Variants in MAGI2 observed in about 807,000 individuals in gnomAD.
MAGI2 encodes membrane-associated guanylate kinase, WW and PDZ domain-containing protein 2.
In MAGI2, 35 loss-of-function variants were observed where a neutral mutation model predicts 133.3. That is an observed-to-expected ratio of 0.26 (90% CI 0.20 to 0.35). The LOEUF is 0.35. Among genes scored for constraint, MAGI2 ranks in the 10% least tolerant of loss-of-function variants. The pLI is 1.00. For synonymous variants in MAGI2, 729 were observed against 710.6 expected, an observed-to-expected ratio of 1.03 and a Z score of -0.41; for missense variants, 1,636 against 1,863.4, an observed-to-expected ratio of 0.88 and a Z score of 2.25.
Position 78,521,608 on chromosome 7 carries a change from T to C in MAGI2, c.576A>G (p.Pro192=). 6.2e-7 allele frequency: 1 copy of C among 1,614,160 alleles called. No homozygotes were observed. Among genetic ancestry groups the C allele is most frequent in the Admixed American group, 1.7e-5 (1 of 60,018 alleles). The change falls in exon 4 of 22, where the codon CCA becomes CCG. Residue 192 remains proline (P), a synonymous_variant. Coordinates refer to ENST00000354212, the MANE Select transcript of MAGI2 (RefSeq NM_012301.4). Reference sequence around the variant, plus strand: ...CTGTTACATTTAACAATAATGGTGCTGGTTCTGCTGGCGGCTTTGGGGTAC... The same window carrying C: ...CTGTTACATTTAACAATAATGGTGCCGGTTCTGCTGGCGGCTTTGGGGTAC... ...YYGTPKPPAE[P]APLLLNVTDQ...
intron 15 of MAGI2, 46 bp downstream of exon 15, chr7:78,167,870 C>T: frequency 6.4e-7 from 1 of 1,565,500 alleles, no homozygotes; most frequent in Non-Finnish European, 8.7e-7. Flanking sequence ...ACAAAAGCAT[C>T]TTACCACCTA....
chr7:79,280,080 G>A (rs1835516738), intron 1 of MAGI2, among the ~76,000 whole-genome samples: 1 of 151,996 alleles, frequency 6.6e-6, no homozygotes, highest in Admixed American at 6.6e-5. Context: ...AGCAATTTCT[G>A]TAGATTTAGT....
intron 21 of MAGI2, among the ~76,000 whole-genome samples, chr7:78,063,647 C>T (rs1019075556): frequency 6.6e-6 from 1 of 152,106 alleles, no homozygotes; most frequent in Admixed American, 6.6e-5. Flanking sequence ...TTTCCTTGAA[C>T]CATTTCGTCT....
chr7:78,475,952 G>T (rs1425765598), intron 6 of MAGI2, among the ~76,000 whole-genome samples: 2 of 151,762 alleles, frequency 1.3e-5, no homozygotes, highest in African/African-American at 4.8e-5. Context: ...TTTCATTCTT[G>T]TTCGGTGGAT....
intron 1 of MAGI2, among the ~76,000 whole-genome samples, chr7:79,345,542 CA>C (rs1256949911): frequency 1.3e-5 from 2 of 151,924 alleles, no homozygotes; most frequent in African/African-American, 4.8e-5. Flanking sequence ...AGGAAGACAC[CA>C]AGTCTTAAGG....
intron 2 of MAGI2, among the ~76,000 whole-genome samples, chr7:78,997,164 T>C (rs1330630287): frequency 1.3e-5 from 2 of 152,144 alleles, no homozygotes; most frequent in African/African-American, 4.8e-5. Flanking sequence ...TTGTCTTTAT[T>C]AGAATGGAGA....
intron 1 of MAGI2, among the ~76,000 whole-genome samples, chr7:79,227,449 T>C (rs1830957081): frequency 6.6e-6 from 1 of 152,216 alleles, no homozygotes; most frequent in Non-Finnish European, 1.5e-5. Context: ...CATCACACAC[T>C]AAGCAAAGCT....
intron 7 of MAGI2, among the ~76,000 whole-genome samples, chr7:78,357,027 T>A (rs1458947770): frequency 6.6e-6 from 1 of 152,240 alleles, no homozygotes; most frequent in East Asian, 1.9e-4. Context: ...TTCATAGGAC[T>A]GTTTTGAGGA....
At chr7:79,023,849 T>A (rs1809586216) in intron 1 of MAGI2, among the ~76,000 whole-genome samples, 1 of 152,082 alleles carries the variant, frequency 6.6e-6, no homozygotes. Flanking sequence ...CACAAACAAA[T>A]GGAAAAATAT....
intron 2 of MAGI2, among the ~76,000 whole-genome samples, chr7:78,722,297 G>A (rs954824306): frequency 2.0e-5 from 3 of 151,794 alleles, no homozygotes; most frequent in Non-Finnish European, 2.9e-5. Flanking sequence ...CTGTGAGAAG[G>A]CGATATATCT....
intron 9 of MAGI2, among the ~76,000 whole-genome samples, chr7:78,324,890 C>T (rs568329523): frequency 2.6e-5 from 4 of 152,072 alleles, no homozygotes; most frequent in Admixed American, 1.3e-4. Context: ...CGCTTGAACC[C>T]GGGAGGCAGA....
intron 3 of MAGI2, among the ~76,000 whole-genome samples, chr7:78,567,716 C>T (rs1801092607): frequency 6.6e-6 from 1 of 152,266 alleles, no homozygotes; most frequent in Middle Eastern, 3.4e-3. Context: ...TGGATCATTT[C>T]AATCACATAT....
intron 1 of MAGI2, among the ~76,000 whole-genome samples, chr7:79,347,839 C>T (rs552902737): frequency 6.6e-6 from 1 of 151,782 alleles, no homozygotes; most frequent in Admixed American, 6.6e-5. Context: ...GGCCATAAAC[C>T]TTAAACTATC....
intron 21 of MAGI2, among the ~76,000 whole-genome samples, chr7:78,052,605 A>G (rs1268035210): frequency 6.6e-6 from 1 of 152,242 alleles, no homozygotes; most frequent in African/African-American, 2.4e-5. Flanking sequence ...ACTCTCAGCA[A>G]TGGGGACTTT....
intron 1 of MAGI2, among the ~76,000 whole-genome samples, chr7:79,077,501 G>A (rs944065851): frequency 2.2e-4 from 32 of 148,558 alleles, no homozygotes; most frequent in African/African-American, 5.5e-4. Context: ...TGTGAACCTG[G>A]CCGGTGGAGC....
At chr7:78,078,863 A>T in intron 21 of MAGI2, 84 bp downstream of exon 21, 4 of 1,497,432 alleles carry the variant, frequency 2.7e-6, no homozygotes, top group Non-Finnish European at 3.7e-6. Flanking sequence ...GAAGTGGAGA[A>T]CTGATGTAGT....
chr7:78,373,186 A>G (rs10245751), intron 6 of MAGI2, among the ~76,000 whole-genome samples: 116,790 of 152,074 alleles, frequency 0.77, 45,096 homozygotes, highest in African/African-American at 0.84. Context: ...TCAATAAAGT[A>G]GCTGACAAGT....
intron 3 of MAGI2, among the ~76,000 whole-genome samples, chr7:78,552,310 A>G (rs1327199358): frequency 6.6e-6 from 1 of 150,996 alleles, no homozygotes; most frequent in Admixed American, 6.6e-5. Context: ...CAGCCTTCCA[A>G]GTAGCTGGGA....
At chr7:79,012,542 C>A (rs943261555) in intron 1 of MAGI2, among the ~76,000 whole-genome samples, 4 of 152,050 alleles carry the variant, frequency 2.6e-5, no homozygotes, top group African/African-American at 9.7e-5. Flanking sequence ...CCTCTTATAT[C>A]TTCTTCCACG....
Sources: allele counts gnomAD v4.1 joint callset (sites outside exome capture counted in the v4.1 genomes callset), GRCh38; gene constraint gnomAD v4.1.1; transcripts MANE v1.5; gene names NCBI Gene and HGNC (gene_info 2026-07-23, HGNC 2026-07-21).